The following SNRPN variants were observed in gnomAD, a reference collection of about 807,000 sequenced individuals.
The protein encoded by SNRPN is small nuclear ribonucleoprotein-associated protein N.
A neutral mutation model predicts 25.2 loss-of-function variants in SNRPN; 7 were observed. The observed-to-expected ratio is 0.28, with a 90% CI of 0.16 to 0.52. The LOEUF (loss-of-function observed/expected upper bound fraction) is 0.52. SNRPN is among the 20% of genes least tolerant of loss of function. The pLI is 0.96. For synonymous variants in SNRPN, 124 were observed against 110.6 expected (o/e 1.12, Z -0.76); for missense variants, 196 against 322.5 (o/e 0.61, Z 3.00).
chr15:24,872,975 A>G lies in SNRPN; in HGVS notation c.-578-13541A>G, dbSNP rs140470605. Among the ~76,000 whole-genome samples, 1,167 of 121,062 alleles carry G rather than the reference A, an allele frequency of 9.6e-3. 255 individuals carry two copies. The highest frequency in any genetic ancestry group is 0.032 in the African/African-American group (1,121 of 35,240). 79.4% of individuals were successfully genotyped at this position (121,062 alleles called of 152,430 possible). A position where few individuals can be genotyped will look rare whatever the true frequency, so the allele number is the denominator to read the frequency against. On this transcript the variant is annotated intron_variant, in intron 1 of 11. Transcript: ENST00000400097. Reference sequence around the variant, plus strand: ...TGTCAGGGTTAATCTTTGGACAGTCACTTATATTCCATTGACCTATATCAC... The same window carrying G: ...TGTCAGGGTTAATCTTTGGACAGTCGCTTATATTCCATTGACCTATATCAC...
At chr15:24,969,522 G>A (rs75248482) in intron 3 of SNRPN, among the ~76,000 whole-genome samples, 3,330 of 152,230 alleles carry the variant, frequency 0.022, 128 homozygotes, top group African/African-American at 0.076. Flanking sequence ...AATTGCATAA[G>A]CAAATTGGAA....
rs2059750779 is a variant in SNRPN at position 24,918,634 on chromosome 15, CATAATATATATGTGTGCAT to C, written c.-504-1373_-504-1355del. On this transcript the variant is annotated intron_variant, in intron 2 of 11. Coordinates refer to the SNRPN transcript ENST00000400097. ...ATAATATATATGTGTGTATATATAA[CATAATATATATGTGTGCAT>C]ATATATAACATAATATATATGTGTG... is the stretch of plus-strand genomic sequence containing the variant. 6.1e-5 allele frequency among the ~76,000 whole-genome samples: 5 copies of C among 81,578 alleles called. 1 individual carries two copies. The highest frequency in any genetic ancestry group is 4.1e-4 in the South Asian group (1 of 2,454). The allele number at this position is 81,578 out of a possible 152,430, so 53.5% of individuals were successfully genotyped here. A position where few individuals can be genotyped will look rare whatever the true frequency, so the allele number is the denominator to read the frequency against.
At position 24,978,429 on chromosome 15, in the gene SNRPN, T is replaced by A. The variant is rs755315127; in HGVS notation, c.708T>A (p.Arg236=). 19 of 1,613,846 alleles carry A rather than the reference T, an allele frequency of 1.2e-5. No individual in the cohort carries two copies. The highest frequency in any genetic ancestry group is 1.6e-5 in the Non-Finnish European group (19 of 1,179,928). ...CAGGTCCACCTCCCCCAGGAATGCG[T>A]CCACCAAGACCTTAGCATACTGTTG... is the stretch of plus-strand genomic sequence containing the variant. ...GIRGPPPPGM[R]PPRP The change falls in exon 10 of 10, where the codon CGT becomes CGA. Residue 236 remains arginine, a synonymous_variant. Transcript: ENST00000390687.
At chr15:24,832,803 T>C (rs1158905450) in intron 2 of SNRPN, among the ~76,000 whole-genome samples, 2 of 151,804 alleles carry the variant, frequency 1.3e-5, no homozygotes, top group Admixed American at 1.3e-4. Context: ...ATGATGAACG[T>C]AGAACTCAAA....
At chr15:24,854,584 G>C (rs1290025677), upstream of SNRPN, among the ~76,000 whole-genome samples, 2 of 152,198 alleles carry the variant, frequency 1.3e-5, no homozygotes, top group Non-Finnish European at 2.9e-5. Context: ...GTGACTGTTT[G>C]CCATTTCTAT....
At chr15:24,879,805 G>T (rs957452021) in intron 1 of SNRPN, among the ~76,000 whole-genome samples, 3 of 152,180 alleles carry the variant, frequency 2.0e-5, no homozygotes, top group Admixed American at 2.0e-4. Context: ...GGCAGTAGTT[G>T]CAAGAGACAG....
intron 1 of SNRPN, among the ~76,000 whole-genome samples, chr15:24,885,405 C>T (rs556255080): frequency 2.6e-5 from 4 of 152,304 alleles, no homozygotes; most frequent in African/African-American, 9.6e-5. Flanking sequence ...TAGACACTGC[C>T]AAATTGCTTT....
At chr15:24,888,051 G>T (rs1235076991) in intron 2 of SNRPN, among the ~76,000 whole-genome samples, 1 of 151,530 alleles carries the variant, frequency 6.6e-6, no homozygotes, top group African/African-American at 2.4e-5. Flanking sequence ...TGGCTAAAAA[G>T]GTAAATTTTA....
chr15:24,874,340 G>A (rs563159190), intron 1 of SNRPN, among the ~76,000 whole-genome samples: 1 of 140,606 alleles, frequency 7.1e-6, no homozygotes, highest in South Asian at 2.4e-4. Context: ...AAAAGGCAGA[G>A]TGGCAGACCA....
intron 1 of SNRPN, among the ~76,000 whole-genome samples, chr15:24,957,249 G>A (rs977079244): frequency 6.6e-6 from 1 of 152,140 alleles, no homozygotes; most frequent in African/African-American, 2.4e-5. Flanking sequence ...GGCTCTTCCC[G>A]ACTAAGGTTG....
At chr15:24,862,347 G>C (rs2054060055) in intron 1 of SNRPN, among the ~76,000 whole-genome samples, 2 of 150,864 alleles carry the variant, frequency 1.3e-5, no homozygotes, top group Non-Finnish European at 2.9e-5. Context: ...GGGCTCTGCA[G>C]TGGATTGAGG....
upstream of SNRPN, among the ~76,000 whole-genome samples, chr15:24,952,400 A>G (rs1188232942): frequency 1.3e-5 from 2 of 152,196 alleles, no homozygotes; most frequent in Non-Finnish European, 2.9e-5. Context: ...TGGGAGACCT[A>G]TCAGGGTCTA....
chr15:24,931,128 T>TA (rs1424367086), intron 3 of SNRPN, among the ~76,000 whole-genome samples: 1 of 152,170 alleles, frequency 6.6e-6, no homozygotes, highest in Non-Finnish European at 1.5e-5. Context: ...AGCTAACTTT[T>TA]AAAAAAGTCA....
chr15:24,900,744 A>T (rs1299842792), intron 2 of SNRPN, among the ~76,000 whole-genome samples: 2 of 152,160 alleles, frequency 1.3e-5, no homozygotes, highest in African/African-American at 4.8e-5. Context: ...TATACTAAGG[A>T]GGACAAAATA....
Position 24,929,792 on chromosome 15 carries a change from A to C in SNRPN, c.-391+9668A>C, listed in dbSNP as rs2060679257. ...TTTTCTGTCAGTATCAGTTTCTGCA[A>C]GAGCAAAAATTACATATTTTTATTT... On this transcript the variant is annotated intron_variant, in intron 3 of 11. Transcript: ENST00000400097. The surrounding 1 kb of genome is among the most constrained non-coding windows in gnomAD (Gnocchi z 5.3). 6.6e-6 allele frequency among the ~76,000 whole-genome samples: 1 copy of C among 152,226 alleles called. No homozygotes were observed. Among genetic ancestry groups the C allele is most frequent in the African/African-American group, 2.4e-5 (1 of 41,470 alleles).
chr15:24,863,058 C>T (rs1284264680), intron 1 of SNRPN, among the ~76,000 whole-genome samples: 1 of 150,692 alleles, frequency 6.6e-6, no homozygotes, highest in South Asian at 2.1e-4. Context: ...TTAAGTGTTA[C>T]TCACAATCCA....
chr15:24,923,582 G>A (rs1412001756), intron 3 of SNRPN, among the ~76,000 whole-genome samples: 2 of 152,132 alleles, frequency 1.3e-5, no homozygotes, highest in African/African-American at 4.8e-5. Flanking sequence ...AGCAGAGTGG[G>A]TAAGTAAATG....
Position 24,871,947 on chromosome 15 carries a change from C to T in SNRPN, c.-578-14569C>T, listed in dbSNP as rs1024126917. Among the ~76,000 whole-genome samples the T allele has an allele frequency of 1.1e-4, 13 of 119,766 alleles. 4 individuals are homozygous for T. The highest frequency in any genetic ancestry group is 1.9e-4 in the Admixed American group (2 of 10,760). The allele number at this position is 119,766 out of a possible 152,430, so 78.6% of individuals were successfully genotyped here. The stretch of plus-strand genomic sequence containing the variant: ...GTCTCGATCTCCTGACTTCATGATT[C>T]GCCCACCTCAGCCTCCCAAAGTGCT... On this transcript the variant is annotated intron_variant, in intron 1 of 11. Coordinates refer to the SNRPN transcript ENST00000400097.
chr15:24,919,457 T>C (rs991215719), intron 2 of SNRPN, among the ~76,000 whole-genome samples: 1 of 151,188 alleles, frequency 6.6e-6, no homozygotes, highest in Non-Finnish European at 1.5e-5. Flanking sequence ...TATTCAATTA[T>C]GCTTGTTAAA....
Sources: gnomAD v4.1 joint callset for allele counts (sites outside exome capture counted in the v4.1 genomes callset) on GRCh38, gnomAD v4.1.1 for gene constraint, Gnocchi (gnomAD v3.1) non-coding constraint, MANE v1.5 for transcripts, NCBI Gene and HGNC (gene_info 2026-07-23, HGNC 2026-07-21) for gene names.